ERBB4: variants seen among roughly 807,000 people sequenced by gnomAD.
ERBB4 encodes the protein erb-b2 receptor tyrosine kinase 4, also known as receptor tyrosine-protein kinase erbB-4.
Under a neutral mutation model 158.0 loss-of-function variants are expected in ERBB4, and 42 were observed. That is an observed-to-expected ratio of 0.27 (90% CI 0.21 to 0.34). The LOEUF (loss-of-function observed/expected upper bound fraction) is 0.34, where lower values mean the gene tolerates loss of function less well. Among genes scored for constraint, ERBB4 ranks in the 10% least tolerant of loss-of-function variants. ERBB4 has a pLI of 1.00. For missense variants in ERBB4, 1,333 were observed against 1,624.1 expected (o/e 0.82, Z 3.08); for synonymous variants, 583 against 558.7 (o/e 1.04, Z -0.61).
rs1254576147 is a variant in ERBB4 at position 212,124,753 on chromosome 2, C to T, written c.233G>A (p.Arg78Gln). The T allele has an allele frequency of 6.2e-7, 1 of 1,614,102 alleles. No individual in the cohort carries two copies. The highest frequency in any genetic ancestry group is 1.3e-5 in the African/African-American group (1 of 75,036). ...IEHNRDLSFLRSVREVTGYVL... is the reference protein window; with the variant it reads ...IEHNRDLSFLQSVREVTGYVL... ...AGAGAAAGAAAGCCACAGCTTTACC[C>T]GCAGGAAGGAGAGGTCCCGGTTGTG... Residue 78 changes from arginine (R) to glutamine (Q), a missense_variant and splice_region_variant, in exon 2 of 28, where the codon CGG (arginine) becomes CAG (glutamine). Arg to Gln is a conservative substitution (Grantham distance 43). Transcript: ENST00000342788.
chr2:211,784,424 C>A (rs1457811896), intron 4 of ERBB4, among the ~76,000 whole-genome samples: 1 of 152,124 alleles, frequency 6.6e-6, no homozygotes, highest in Admixed American at 6.5e-5. Context: ...TAGCATGTGA[C>A]CAGATCTCCT....
At chr2:212,211,833 G>A (rs532699299) in intron 1 of ERBB4, among the ~76,000 whole-genome samples, 2 of 152,100 alleles carry the variant, frequency 1.3e-5, no homozygotes, top group South Asian at 2.1e-4. Flanking sequence ...TTCTGTTCCT[G>A]TGTTAGTTTG....
chr2:212,177,002 G>A (rs2081685492), intron 1 of ERBB4, among the ~76,000 whole-genome samples: 1 of 151,618 alleles, frequency 6.6e-6, no homozygotes, highest in African/African-American at 2.4e-5. Flanking sequence ...TAGAGAAAGA[G>A]AGAGGAATTT....
intron 1 of ERBB4, among the ~76,000 whole-genome samples, chr2:212,237,388 C>T (rs1003311844): frequency 6.6e-6 from 1 of 152,128 alleles, no homozygotes; most frequent in South Asian, 2.1e-4. Flanking sequence ...GTCTTGTTTG[C>T]CTGAGTATCA....
chr2:212,534,405 G>T (rs1447217192), intron 1 of ERBB4, among the ~76,000 whole-genome samples: 2 of 152,176 alleles, frequency 1.3e-5, no homozygotes, highest in East Asian at 1.9e-4. Context: ...GGGTAAGAGG[G>T]ACTTCTCTGT....
chr2:212,032,959 A>G (rs1473336082), intron 2 of ERBB4, among the ~76,000 whole-genome samples: 2 of 152,122 alleles, frequency 1.3e-5, no homozygotes, highest in East Asian at 1.9e-4. Flanking sequence ...AAAAAAACCC[A>G]AAACAAAATA....
intron 9 of ERBB4, among the ~76,000 whole-genome samples, chr2:211,706,339 A>T (rs930122920): frequency 6.6e-6 from 1 of 152,186 alleles, no homozygotes; most frequent in Admixed American, 6.5e-5. Context: ...GCGAATAACC[A>T]TTAGTGATCC....
At chr2:211,944,370 C>T (rs839535) in intron 3 of ERBB4, among the ~76,000 whole-genome samples, 118,139 of 150,544 alleles carry the variant, frequency 0.78, 46,791 homozygotes, top group African/African-American at 0.87. Flanking sequence ...AAATTCATCA[C>T]GAATTATTAT....
At chr2:212,272,007 A>T (rs941296535) in intron 1 of ERBB4, among the ~76,000 whole-genome samples, 10 of 151,680 alleles carry the variant, frequency 6.6e-5, no homozygotes, top group East Asian at 1.9e-4. Context: ...CATTTTTTTT[A>T]AAAGACCTAT....
chr2:211,523,112 A>G (rs567494244), intron 20 of ERBB4, among the ~76,000 whole-genome samples: 1 of 148,458 alleles, frequency 6.7e-6, no homozygotes, highest in South Asian at 2.3e-4. Context: ...GTGGAACAGA[A>G]GGCCCCACTG....
At chr2:212,124,551 C>T (rs2079859177) in intron 2 of ERBB4, 2 of 596,998 alleles carry the variant, frequency 3.4e-6, no homozygotes, top group East Asian at 5.8e-5. Context: ...CTGCTTTAAA[C>T]TCAGGAGCGT....
At chr2:211,969,105 A>T (rs148230963) in intron 2 of ERBB4, among the ~76,000 whole-genome samples, 182 of 152,168 alleles carry the variant, frequency 1.2e-3, no homozygotes, top group African/African-American at 4.0e-3. Context: ...TTTATATCTA[A>T]GTCATACTGA....
At chr2:211,510,114 CA>C (rs1034227737) in intron 20 of ERBB4, among the ~76,000 whole-genome samples, 3 of 151,982 alleles carry the variant, frequency 2.0e-5, no homozygotes. Context: ...AAGCATTATA[CA>C]AAAAAGATAC....
chr2:211,746,913 T>C (rs1480419915), intron 5 of ERBB4, among the ~76,000 whole-genome samples: 3 of 151,952 alleles, frequency 2.0e-5, no homozygotes, highest in Non-Finnish European at 2.9e-5. Context: ...GCAGTGTAGC[T>C]GGACCTCACG....
rs1044602032 is a variant in ERBB4, at chr2:211,380,412, T to C, written c.*3203A>G. ...ACAAAGTTGGGTGATTTAAAAAATA[T>C]ACTCCGTGTAATTTTAATACTAATT... On this transcript the variant is annotated 3_prime_UTR_variant, in exon 28 of 28. Coordinates refer to ENST00000342788, the MANE Select transcript of ERBB4 (RefSeq NM_005235.3). 1.7e-5 allele frequency: 4 copies of C among 232,276 alleles called. No homozygotes were observed. Among genetic ancestry groups the C allele is most frequent in the Non-Finnish European group, 2.6e-5 (3 of 117,538 alleles). 14.4% of individuals were successfully genotyped at this position (232,276 alleles called of 1,614,324 possible).
chr2:211,789,504 C>G (rs2076236337), intron 3 of ERBB4, among the ~76,000 whole-genome samples: 1 of 152,116 alleles, frequency 6.6e-6, no homozygotes, highest in African/African-American at 2.4e-5. Flanking sequence ...GAAGCTGTGA[C>G]TTTTTATTTG....
At chr2:212,254,091 T>A (rs1171785008) in intron 1 of ERBB4, among the ~76,000 whole-genome samples, 2 of 152,104 alleles carry the variant, frequency 1.3e-5, no homozygotes, top group African/African-American at 4.8e-5. Flanking sequence ...CACACATGAC[T>A]GTAAAATTTA....
intron 6 of ERBB4, among the ~76,000 whole-genome samples, chr2:211,724,125 G>T (rs182176163): frequency 3.3e-5 from 5 of 152,108 alleles, no homozygotes; most frequent in African/African-American, 1.2e-4. Context: ...ACAGAGGAAG[G>T]TTCTCAGTTC....
intron 1 of ERBB4, among the ~76,000 whole-genome samples, chr2:212,271,662 C>T (rs1245736679): frequency 6.6e-6 from 1 of 151,722 alleles, no homozygotes; most frequent in Non-Finnish European, 1.5e-5. Context: ...TTCCGAACAG[C>T]AAGTAGAAAT....
Sources: allele counts gnomAD v4.1 joint callset (sites outside exome capture counted in the v4.1 genomes callset), GRCh38; gene constraint gnomAD v4.1.1; transcripts MANE v1.5; gene names NCBI Gene and HGNC (gene_info 2026-07-23, HGNC 2026-07-21).